Variants in GRM7 observed in about 807,000 individuals in gnomAD.
GRM7 encodes the protein glutamate metabotropic receptor 7, also known as metabotropic glutamate receptor 7.
Under a neutral mutation model 84.5 loss-of-function variants are expected in GRM7, and 35 were observed. The observed-to-expected ratio is 0.41, with a 90% CI of 0.32 to 0.55. The LOEUF is 0.55. Among genes scored for constraint, GRM7 ranks in the 20% least tolerant of loss-of-function variants. The pLI is 0.19. For synonymous variants in GRM7, 487 were observed against 455.1 expected, an observed-to-expected ratio of 1.07 and a Z score of -0.89; for missense variants, 1,003 against 1,194.6, an observed-to-expected ratio of 0.84 and a Z score of 2.36.
At position 6,904,917 on chromosome 3, in the gene GRM7, C is replaced by T. The variant is rs80041710; in HGVS notation, c.519+43010C>T. ...TGTATTTTTTCTGTAGAGACTGGGT[C>T]TTGCTATGTTGCCCAGGCTGCTCTT... On this transcript the variant is annotated intron_variant, in intron 1 of 9. Transcript: ENST00000357716. Among the ~76,000 whole-genome samples the T allele has an allele frequency of 3.8e-3, 582 of 152,158 alleles. 1 individual carries two copies. The highest frequency in any genetic ancestry group is 6.5e-3 in the Non-Finnish European group (444 of 67,998).
At chr3:7,070,796 T>C (rs2124983403) in intron 1 of GRM7, among the ~76,000 whole-genome samples, 1 of 152,202 alleles carries the variant, frequency 6.6e-6, no homozygotes, top group East Asian at 1.9e-4. Context: ...CTGAGAACTG[T>C]AGACAGAACT....
chr3:7,128,313 C>G (rs1338700043), intron 1 of GRM7, among the ~76,000 whole-genome samples: 1 of 151,682 alleles, frequency 6.6e-6, no homozygotes, highest in African/African-American at 2.4e-5. Context: ...ATTTTCTATG[C>G]ATGAATATAA....
At chr3:7,192,764 G>C (rs1200808127) in intron 2 of GRM7, among the ~76,000 whole-genome samples, 1 of 152,024 alleles carries the variant, frequency 6.6e-6, no homozygotes, top group Non-Finnish European at 1.5e-5. Context: ...TTTCTTCACA[G>C]CCAGATTCCT....
chr3:7,034,154 T>G (rs1426068566), intron 1 of GRM7, among the ~76,000 whole-genome samples: 1 of 152,104 alleles, frequency 6.6e-6, no homozygotes, highest in Non-Finnish European at 1.5e-5. Flanking sequence ...TTATACTAGG[T>G]TCCTTGAATG....
intron 1 of GRM7, among the ~76,000 whole-genome samples, chr3:7,105,250 G>T (rs1340228355): frequency 1.3e-5 from 2 of 151,800 alleles, no homozygotes; most frequent in African/African-American, 4.8e-5. Context: ...GTCAAAAAAT[G>T]TTGACCCAGA....
intron 2 of GRM7, among the ~76,000 whole-genome samples, chr3:7,162,728 C>CTTT (rs1559478421): frequency 7.0e-5 from 4 of 57,100 alleles, no homozygotes; most frequent in Admixed American, 2.3e-4. Context: ...TCCCATTTTT[C>CTTT]ATTTTTTTTT....
intron 5 of GRM7, among the ~76,000 whole-genome samples, chr3:7,427,419 C>T (rs186665329): frequency 1.1e-4 from 16 of 152,064 alleles, no homozygotes; most frequent in Non-Finnish European, 1.8e-4. Flanking sequence ...AGGGTTAAAA[C>T]CCTAATAGTA....
chr3:7,331,649 A>C (rs10510359), intron 4 of GRM7, among the ~76,000 whole-genome samples: 17,995 of 152,136 alleles, frequency 0.12, 1,221 homozygotes, highest in African/African-American at 0.19. Flanking sequence ...TATTCCACAT[A>C]TTTCCAGGAG....
chr3:7,362,540 A>G (rs959508967), intron 4 of GRM7, among the ~76,000 whole-genome samples: 1 of 151,990 alleles, frequency 6.6e-6, no homozygotes, highest in African/African-American at 2.4e-5. Context: ...TGATTCCTAC[A>G]TGGACTGCCT....
chr3:7,401,693 T>A (rs1042908633), intron 4 of GRM7, among the ~76,000 whole-genome samples: 1 of 152,158 alleles, frequency 6.6e-6, no homozygotes, highest in East Asian at 1.9e-4. Flanking sequence ...TTATTCAGAG[T>A]CAGGAATGTT....
intron 8 of GRM7, among the ~76,000 whole-genome samples, chr3:7,603,236 C>G (rs1008098518): frequency 3.3e-5 from 5 of 152,104 alleles, no homozygotes; most frequent in African/African-American, 1.2e-4. Flanking sequence ...AAGTATAAAC[C>G]TTTACTCATT....
intron 9 of GRM7, among the ~76,000 whole-genome samples, chr3:7,716,291 C>T (rs1684530377): frequency 6.6e-6 from 1 of 152,288 alleles, no homozygotes; most frequent in South Asian, 2.1e-4. Flanking sequence ...CCAGCAATTC[C>T]CCACACTCGT....
At chr3:7,298,233 T>C (rs1398244045) in intron 2 of GRM7, among the ~76,000 whole-genome samples, 1 of 152,064 alleles carries the variant, frequency 6.6e-6, no homozygotes, top group East Asian at 1.9e-4. Flanking sequence ...TAGAGATGGG[T>C]ATAAAGGGAA....
At chr3:6,915,971 T>C (rs1022562521) in intron 1 of GRM7, among the ~76,000 whole-genome samples, 1 of 152,218 alleles carries the variant, frequency 6.6e-6, no homozygotes, top group Non-Finnish European at 1.5e-5. Context: ...ATCAGTGGTA[T>C]AGACAACAAA....
chr3:7,171,539 T>C (rs1415967747), intron 2 of GRM7, among the ~76,000 whole-genome samples: 2 of 152,180 alleles, frequency 1.3e-5, no homozygotes. Flanking sequence ...CAGCTATAAC[T>C]TTACTCTTAT....
intron 1 of GRM7, among the ~76,000 whole-genome samples, chr3:6,883,815 T>C (rs1695595374): frequency 6.6e-6 from 1 of 152,194 alleles, no homozygotes; most frequent in Admixed American, 6.5e-5. Context: ...TATAGAATCT[T>C]GATCCAGTCA....
chr3:7,334,929 C>A (rs1018167006), intron 4 of GRM7, among the ~76,000 whole-genome samples: 3 of 152,058 alleles, frequency 2.0e-5, no homozygotes, highest in Non-Finnish European at 2.9e-5. Flanking sequence ...ACTACTAGAC[C>A]TAAGAAATGA....
At position 7,177,873 on chromosome 3, in the gene GRM7, T is replaced by C. The variant is rs541442485; in HGVS notation, c.736+31205T>C. 2.5e-4 allele frequency among the ~76,000 whole-genome samples: 38 copies of C among 152,300 alleles called. No individual in the cohort carries two copies. In the South Asian group the frequency reaches 7.5e-3, roughly 30 times the overall value. ...AAATCCTATCACAAATGAAAATGCTTTTATAATAAATTTTTAAAATTTCAA... is the reference window on the plus strand; with the variant it reads ...AAATCCTATCACAAATGAAAATGCTCTTATAATAAATTTTTAAAATTTCAA... On this transcript the variant is annotated intron_variant, in intron 2 of 9. Coordinates refer to ENST00000357716, the MANE Select transcript of GRM7 (RefSeq NM_000844.4).
At position 7,099,932 on chromosome 3, in the gene GRM7, AT is replaced by A. The variant is rs1173011655; in HGVS notation, c.520-46518del. Among the ~76,000 whole-genome samples, 3 of 147,430 alleles carry A rather than the reference AT, an allele frequency of 2.0e-5. No homozygotes were observed. The East Asian group carries it at 5.9e-4, about 29-fold the overall frequency. ...TATATAATATTAATATATTATATAT[AT>A]TATGATATACATTATGTATATATAC... is the stretch of plus-strand genomic sequence containing the variant. On this transcript the variant is annotated intron_variant, in intron 1 of 9. Transcript: ENST00000357716.
Sources: allele counts gnomAD v4.1 joint callset (sites outside exome capture counted in the v4.1 genomes callset), GRCh38; gene constraint gnomAD v4.1.1; transcripts MANE v1.5; gene names NCBI Gene and HGNC (gene_info 2026-07-23, HGNC 2026-07-21).